The following CNTNAP5 variants were observed in gnomAD, a reference collection of about 807,000 sequenced individuals.
CNTNAP5 encodes contactin-associated protein-like 5.
Under a neutral mutation model 150.2 loss-of-function variants are expected in CNTNAP5, and 72 were observed. The ratio of observed to expected loss-of-function variants is 0.48; its 90% CI spans 0.40 to 0.58. The LOEUF is 0.58. CNTNAP5 is among the 20% of genes least tolerant of loss of function. The pLI is 0.00. For synonymous variants in CNTNAP5, 672 were observed against 619.8 expected (o/e 1.08, Z -1.25); for missense variants, 1,636 against 1,626.2 (o/e 1.01, Z -0.10).
At chr2:124,811,961 T>C (rs1243381907) in intron 19 of CNTNAP5, among the ~76,000 whole-genome samples, 1 of 116,976 alleles carries the variant, frequency 8.5e-6, no homozygotes, top group African/African-American at 3.2e-5. Context: ...TATATATATA[T>C]ATTTTTTATA....
chr2:124,230,536 AT>A (rs545783458), intron 2 of CNTNAP5, among the ~76,000 whole-genome samples: 3,346 of 140,670 alleles, frequency 0.024, 47 homozygotes, highest in African/African-American at 0.039. Context: ...ATAAATTATT[AT>A]TTTTTTTTTC....
chr2:124,455,929 C>T (rs1227837702), intron 6 of CNTNAP5, among the ~76,000 whole-genome samples: 1 of 152,110 alleles, frequency 6.6e-6, no homozygotes, highest in Non-Finnish European at 1.5e-5. Context: ...GTAATAAAAG[C>T]CATCTGTGAC....
intron 23 of CNTNAP5, 35 bp from the exon 24 acceptor site, chr2:124,914,057 A>G: frequency 1.1e-5 from 16 of 1,484,676 alleles, no homozygotes; most frequent in East Asian, 2.3e-5. Context: ...ACTCATGACG[A>G]TTTCCTTCTC....
chr2:124,262,035 C>T (rs1215160733), intron 3 of CNTNAP5, among the ~76,000 whole-genome samples: 1 of 152,014 alleles, frequency 6.6e-6, no homozygotes. Flanking sequence ...GTTAAGCCCA[C>T]GAGTTGGAAA....
chr2:124,359,347 C>A (rs913871604), intron 3 of CNTNAP5, among the ~76,000 whole-genome samples: 1 of 151,458 alleles, frequency 6.6e-6, no homozygotes, highest in Non-Finnish European at 1.5e-5. Context: ...CTTCTGCTAG[C>A]TTTTGAATGT....
At chr2:124,553,978 T>C (rs1695692453) in intron 10 of CNTNAP5, among the ~76,000 whole-genome samples, 1 of 152,202 alleles carries the variant, frequency 6.6e-6, no homozygotes, top group African/African-American at 2.4e-5. Context: ...AGTGTTCTGG[T>C]GCCTGCAAAG....
intron 6 of CNTNAP5, 133 bp from the exon 7 acceptor site, chr2:124,474,606 T>C: frequency 1.5e-6 from 1 of 668,290 alleles, no homozygotes; most frequent in Non-Finnish European, 2.5e-6. Context: ...TGTAATCAAG[T>C]AGCATCTATA....
At chr2:124,799,483 G>T (rs973246905) in intron 19 of CNTNAP5, among the ~76,000 whole-genome samples, 1 of 152,124 alleles carries the variant, frequency 6.6e-6, no homozygotes, top group African/African-American at 2.4e-5. Flanking sequence ...TCTTCCCTTT[G>T]TCATCTGCTG....
intron 4 of CNTNAP5, among the ~76,000 whole-genome samples, chr2:124,422,216 C>T (rs1558895001): frequency 6.6e-6 from 1 of 152,244 alleles, no homozygotes; most frequent in East Asian, 1.9e-4. Flanking sequence ...TTTCTATGGG[C>T]TTAATAATTT....
intron 5 of CNTNAP5, among the ~76,000 whole-genome samples, chr2:124,435,628 T>C (rs1037793748): frequency 1.5e-4 from 23 of 152,054 alleles, no homozygotes; most frequent in African/African-American, 1.7e-4. Context: ...CACTATAAAA[T>C]AGTAAAGAAG....
intron 17 of CNTNAP5, among the ~76,000 whole-genome samples, chr2:124,776,380 G>A (rs1159172286): frequency 6.6e-6 from 1 of 151,934 alleles, no homozygotes; most frequent in East Asian, 1.9e-4. Flanking sequence ...ACACTGACTT[G>A]ATAAGTCATA....
intron 20 of CNTNAP5, among the ~76,000 whole-genome samples, chr2:124,868,459 T>C (rs1677676803): frequency 6.6e-6 from 1 of 152,126 alleles, no homozygotes; most frequent in South Asian, 2.1e-4. Context: ...CATGTCCAGT[T>C]CTTGTACTTC....
rs186101586 is a variant in CNTNAP5 at position 124,767,126 on chromosome 2, C to T, written c.2533+2979C>T. Among the ~76,000 whole-genome samples the T allele has an allele frequency of 2.2e-4, 34 of 152,258 alleles. No individual in the cohort carries two copies. The Middle Eastern group carries it at 0.01, about 46-fold the overall frequency. On this transcript the variant is annotated intron_variant, in intron 16 of 23. Transcript: ENST00000682447. Reference sequence around the variant, plus strand: ...GTTCATGGCAAGAAACCTCTATAGACCAGGCACTTGGAAAGGAAATGGCCT... The same window carrying T: ...GTTCATGGCAAGAAACCTCTATAGATCAGGCACTTGGAAAGGAAATGGCCT...
In CNTNAP5 at chr2:124,190,963, G is replaced by T. The variant is rs112851468; in HGVS notation, c.83-30742G>T. 6.0e-3 allele frequency among the ~76,000 whole-genome samples: 916 copies of T among 152,180 alleles called. 3 individuals are homozygous for T. The highest frequency in any genetic ancestry group is 0.02 in the African/African-American group (851 of 41,530). On this transcript the variant is annotated intron_variant, in intron 1 of 23. Transcript: ENST00000682447. ...GAGGATACCACTCCATGTGTCTATTGTTTATCTTGCAAAAGTAGATCCTTC... is the reference window on the plus strand; with the variant it reads ...GAGGATACCACTCCATGTGTCTATTTTTTATCTTGCAAAAGTAGATCCTTC...
At chr2:124,244,903 A>G (rs1423934076) in intron 3 of CNTNAP5, among the ~76,000 whole-genome samples, 1 of 152,228 alleles carries the variant, frequency 6.6e-6, no homozygotes, top group Non-Finnish European at 1.5e-5. Flanking sequence ...CTTGAGGCTC[A>G]CAGAGCCCAA....
intron 21 of CNTNAP5, among the ~76,000 whole-genome samples, chr2:124,875,520 C>G (rs1007084289): frequency 6.6e-6 from 1 of 152,056 alleles, no homozygotes; most frequent in South Asian, 2.1e-4. Context: ...TTTATGGTTC[C>G]TTATTGGTAA....
At chr2:124,625,029 A>C (rs1677690030) in intron 12 of CNTNAP5, among the ~76,000 whole-genome samples, 1 of 152,226 alleles carries the variant, frequency 6.6e-6, no homozygotes, top group South Asian at 2.1e-4. Context: ...AATGGAAGCT[A>C]TGGGTGAGGT....
intron 12 of CNTNAP5, among the ~76,000 whole-genome samples, chr2:124,612,085 A>G (rs1037589264): frequency 6.6e-6 from 1 of 152,214 alleles, no homozygotes; most frequent in Admixed American, 6.5e-5. Context: ...GTTCTATTAC[A>G]TACATTTTGT....
chr2:124,821,353 A>C (rs1285224920), intron 19 of CNTNAP5, among the ~76,000 whole-genome samples: 2 of 152,200 alleles, frequency 1.3e-5, no homozygotes, highest in East Asian at 3.9e-4. Flanking sequence ...TTTTACACTA[A>C]GGTAGCACTG....
Sources: allele counts gnomAD v4.1 joint callset (sites outside exome capture counted in the v4.1 genomes callset), GRCh38; gene constraint gnomAD v4.1.1; transcripts MANE v1.5; gene names NCBI Gene and HGNC (gene_info 2026-07-23, HGNC 2026-07-21).